Variants in TBL1X observed in about 807,000 individuals in gnomAD.
TBL1X encodes the protein F-box-like/WD repeat-containing protein TBL1X.
TBL1X carries 10 observed loss-of-function variants against 50.7 expected under a neutral mutation model. The ratio of observed to expected loss-of-function variants is 0.20; its 90% CI spans 0.12 to 0.33. The LOEUF is 0.33. Among genes scored for constraint, TBL1X ranks in the 10% least tolerant of loss-of-function variants. The pLI is 1.00. For missense variants in TBL1X, 340 were observed against 504.4 expected, an observed-to-expected ratio of 0.67 and a Z score of 3.12; for synonymous variants, 190 against 214.7, an observed-to-expected ratio of 0.88 and a Z score of 1.01.
At chrX:9,664,513 T>G (rs1001480328) in intron 5 of TBL1X, among the ~76,000 whole-genome samples, 33 of 110,693 alleles carry the variant, frequency 3.0e-4, no homozygotes, top group African/African-American at 1.0e-3. Context: ...CGGACATTGC[T>G]TGAATGTTTG....
chrX:9,513,844 G>T (rs1363919208), intron 2 of TBL1X, among the ~76,000 whole-genome samples: 1 of 108,626 alleles, frequency 9.2e-6, no homozygotes, highest in Non-Finnish European at 1.9e-5. Context: ...TTCTTGGGAG[G>T]CCTCAGAGCT....
chrX:9,579,643 C>G (rs1467300783), intron 2 of TBL1X, among the ~76,000 whole-genome samples: 1 of 111,879 alleles, frequency 8.9e-6, no homozygotes, highest in African/African-American at 3.3e-5. Flanking sequence ...GAGTCAATGT[C>G]AGAAGTGCCT....
At chrX:9,515,970 G>A (rs1466468396) in intron 2 of TBL1X, among the ~76,000 whole-genome samples, 1 of 111,330 alleles carries the variant, frequency 9.0e-6, no homozygotes, top group Admixed American at 9.6e-5. Context: ...AGTTGTACTC[G>A]AAATGGGTCC....
intron 1 of TBL1X, among the ~76,000 whole-genome samples, chrX:9,472,642 G>A (rs1322511125): frequency 9.1e-6 from 1 of 110,193 alleles, no homozygotes; most frequent in Admixed American, 9.7e-5. Context: ...TAAGAGGCCA[G>A]GTGTGGTGGC....
In TBL1X at chrX:9,693,332, C is replaced by G. The variant is rs762597281; in HGVS notation, c.966C>G (p.Ala322=). The change falls in exon 11 of 18, where the codon GCC becomes GCG. Residue 322 remains alanine (A), a synonymous_variant. Coordinates refer to ENST00000645353, the MANE Select transcript of TBL1X (RefSeq NM_005647.4). Reference sequence around the variant, plus strand: ...TGTTTTTACTAACAGGTAACCTGGCCAGCACCTTAGGCCAACATAAAGGCC... The same window carrying G: ...TGTTTTTACTAACAGGTAACCTGGCGAGCACCTTAGGCCAACATAAAGGCC... ...ARIWTEDGNL[A]STLGQHKGPI... The G allele has an allele frequency of 2.5e-6, 3 of 1,211,383 alleles. No homozygotes were observed. The Admixed American group carries it at 6.5e-5, about 26-fold the overall frequency.
At chrX:9,477,330 C>T (rs747927036) in intron 1 of TBL1X, among the ~76,000 whole-genome samples, 1 of 112,049 alleles carries the variant, frequency 8.9e-6, no homozygotes, top group African/African-American at 3.2e-5. Context: ...GTTTTGTTTG[C>T]TTTTCCATTC....
In TBL1X at chrX:9,716,314, C is replaced by G. The variant is rs1378554169; in HGVS notation, c.*68C>G. ...GCCGTGAATGTGTAGGGTTGCAGCT[C>G]TATTCTCCAAAACTGTAGGAACTTG... On this transcript the variant is annotated 3_prime_UTR_variant, in exon 18 of 18. Coordinates refer to ENST00000645353, the MANE Select transcript of TBL1X (RefSeq NM_005647.4). 16 of 1,106,272 alleles carry G rather than the reference C, an allele frequency of 1.4e-5. No homozygotes were observed. The highest frequency in any genetic ancestry group is 1.8e-5 in the Non-Finnish European group (15 of 812,779). 91.2% of individuals were successfully genotyped at this position (1,106,272 alleles called of 1,213,427 possible).
intron 5 of TBL1X, among the ~76,000 whole-genome samples, chrX:9,664,164 G>A (rs1411836730): frequency 8.9e-6 from 1 of 112,283 alleles, no homozygotes; most frequent in Non-Finnish European, 1.9e-5. Context: ...AAGGTGCACA[G>A]CACTTCACTA....
At chrX:9,485,381 C>T (rs1444046075) in intron 1 of TBL1X, among the ~76,000 whole-genome samples, 1 of 112,356 alleles carries the variant, frequency 8.9e-6, no homozygotes, top group African/African-American at 3.2e-5. Flanking sequence ...GCATCAAGCT[C>T]GCATTTTTGT....
chrX:9,646,907 A>G (rs2082807752), intron 3 of TBL1X, among the ~76,000 whole-genome samples: 2 of 112,339 alleles, frequency 1.8e-5, no homozygotes. Context: ...TCGCTGTTTC[A>G]GAACACGGCT....
At chrX:9,697,144 C>T (rs932198758) in intron 11 of TBL1X, among the ~76,000 whole-genome samples, 1 of 112,011 alleles carries the variant, frequency 8.9e-6, no homozygotes, top group African/African-American at 3.2e-5. Flanking sequence ...TATTTGGGGG[C>T]ATGTTGGAGT....
intron 5 of TBL1X, among the ~76,000 whole-genome samples, chrX:9,658,238 A>G (rs1319185434): frequency 8.9e-6 from 1 of 111,750 alleles, no homozygotes; most frequent in African/African-American, 3.3e-5. Context: ...TAGCAGCATG[A>G]TAATGGACTA....
chrX:9,609,295 A>G (rs1012584478), intron 2 of TBL1X, among the ~76,000 whole-genome samples: 1 of 110,093 alleles, frequency 9.1e-6, no homozygotes. Context: ...ACCCACCCCT[A>G]GAAGTTTTGC....
intron 5 of TBL1X, among the ~76,000 whole-genome samples, chrX:9,673,791 C>T (rs1041428320): frequency 3.6e-5 from 4 of 112,106 alleles, no homozygotes; most frequent in Non-Finnish European, 5.6e-5. Flanking sequence ...GGGCTAGGTG[C>T]GGTGGCTCAC....
intron 2 of TBL1X, among the ~76,000 whole-genome samples, chrX:9,513,235 C>G (rs1270056967): frequency 9.0e-6 from 1 of 110,680 alleles, no homozygotes; most frequent in South Asian, 3.8e-4. Flanking sequence ...TTAGACTGGA[C>G]AAGGTAGCAA....
intron 2 of TBL1X, among the ~76,000 whole-genome samples, chrX:9,626,691 C>T (rs998868137): frequency 2.7e-5 from 3 of 112,593 alleles, no homozygotes; most frequent in African/African-American, 9.7e-5. Flanking sequence ...AAAGCAGCAT[C>T]ATTGCTATTC....
intron 2 of TBL1X, among the ~76,000 whole-genome samples, chrX:9,607,008 A>G (rs1195305696): frequency 1.8e-5 from 2 of 112,631 alleles, no homozygotes; most frequent in Admixed American, 9.4e-5. Flanking sequence ...TGTTTTCTCC[A>G]AACATTCACA....
chrX:9,662,016 C>T (rs1601823716), intron 5 of TBL1X, among the ~76,000 whole-genome samples: 1 of 111,287 alleles, frequency 9.0e-6, no homozygotes, highest in African/African-American at 3.3e-5. Flanking sequence ...TCAGTCTGTC[C>T]GTGAAAGAAG....
intron 2 of TBL1X, among the ~76,000 whole-genome samples, chrX:9,600,503 AATAG>A (rs2082551221): frequency 9.5e-6 from 1 of 105,297 alleles, no homozygotes; most frequent in Non-Finnish European, 1.9e-5. Context: ...CGGACCATAG[AATAG>A]GACATTACAG....
Sources: allele counts gnomAD v4.1 joint callset (sites outside exome capture counted in the v4.1 genomes callset), GRCh38; gene constraint gnomAD v4.1.1; transcripts MANE v1.5; gene names NCBI Gene and HGNC (gene_info 2026-07-23, HGNC 2026-07-21).